The following SLC1A6 variants were observed in gnomAD, a reference collection of about 807,000 sequenced individuals.
The protein encoded by SLC1A6 is solute carrier family 1 member 6, also known as excitatory amino acid transporter 4.
Under a neutral mutation model 42.1 loss-of-function variants are expected in SLC1A6, and 15 were observed. The ratio of observed to expected loss-of-function variants is 0.36; its 90% confidence interval spans 0.24 to 0.55. SLC1A6 has a LOEUF of 0.55. Ranked by LOEUF, SLC1A6 falls within the 20% of genes least tolerant of loss-of-function variation. SLC1A6 has a pLI of 0.88. For synonymous variants in SLC1A6, 317 were observed against 319.7 expected, an observed-to-expected ratio of 0.99 and a Z score of 0.09; for missense variants, 542 against 772.5, an observed-to-expected ratio of 0.70 and a Z score of 3.54.
chr19:14,990,999 G>A (rs895072226), intron 1 of SLC1A6, among the ~76,000 whole-genome samples: 1 of 151,862 alleles, frequency 6.6e-6, no homozygotes, highest in African/African-American at 2.4e-5. Flanking sequence ...ACATCATGCT[G>A]TACACAACAA....
intron 3 of SLC1A6, 105 bp downstream of exon 3, chr19:14,971,632 G>T: frequency 1.8e-6 from 2 of 1,119,486 alleles, no homozygotes; most frequent in African/African-American, 1.5e-5. Flanking sequence ...TGTTTGAGGT[G>T]CCGCGTCAAG....
In SLC1A6 at chr19:14,962,162, C is replaced by T. The variant is rs377205113; in HGVS notation, c.775G>A (p.Val259Met). 1.2e-4 allele frequency: 186 copies of T among 1,614,086 alleles called. No homozygotes were observed. The highest frequency in any genetic ancestry group is 1.5e-4 in the Non-Finnish European group (176 of 1,180,030). ...EMLSFEETVP[V>M]PGSANGINAL... ...TTGATGCCATTGGCGGAGCCAGGCA[C>T]GGGTACAGTCTCCTCAAAGCTCAGC... Residue 259 changes from valine to methionine, a missense_variant, in exon 6 of 10, where the codon GTG (valine) becomes ATG (methionine). Transcript: ENST00000594383.
intron 1 of SLC1A6, among the ~76,000 whole-genome samples, chr19:14,994,452 G>A (rs1472398402): frequency 6.6e-6 from 1 of 152,080 alleles, no homozygotes; most frequent in Non-Finnish European, 1.5e-5. Flanking sequence ...GTAACTGCAT[G>A]GATTCTGCAA....
At chr19:14,968,584 C>G in intron 3 of SLC1A6, 77 bp from the exon 4 acceptor site, 3 of 1,263,252 alleles carry the variant, frequency 2.4e-6, no homozygotes, top group Non-Finnish European at 2.2e-6. Flanking sequence ...TTCCACCCTC[C>G]CCATATCACC....
chr19:15,007,387 C>T (rs865893284), intron 1 of SLC1A6, among the ~76,000 whole-genome samples: 2 of 152,170 alleles, frequency 1.3e-5, no homozygotes, highest in South Asian at 2.1e-4. Flanking sequence ...GCTGAGGGGA[C>T]AGGGGAATGA....
intron 1 of SLC1A6, among the ~76,000 whole-genome samples, chr19:14,976,477 A>G (rs2045712460): frequency 6.6e-6 from 1 of 152,236 alleles, no homozygotes; most frequent in Admixed American, 6.5e-5. Context: ...CAACACACAT[A>G]CAACTGGAGG....
intron 1 of SLC1A6, among the ~76,000 whole-genome samples, chr19:15,009,771 T>TA (rs1009392346): frequency 5.3e-5 from 8 of 152,188 alleles, no homozygotes; most frequent in African/African-American, 1.9e-4. Flanking sequence ...AAATTTTTTT[T>TA]AAAGGCTCTT....
chr19:14,989,146 C>G (rs2045806467), intron 1 of SLC1A6, among the ~76,000 whole-genome samples: 1 of 152,170 alleles, frequency 6.6e-6, no homozygotes, highest in African/African-American at 2.4e-5. Context: ...AGGGATGAGA[C>G]ACTACCTGTT....
chr19:15,006,515 G>A (rs1014752213), intron 1 of SLC1A6, among the ~76,000 whole-genome samples: 1 of 152,042 alleles, frequency 6.6e-6, no homozygotes, highest in African/African-American at 2.4e-5. Flanking sequence ...GGCTGGCGTG[G>A]GAGTCGCTGG....
upstream of SLC1A6, among the ~76,000 whole-genome samples, chr19:14,982,347 T>G (rs1447615620): frequency 6.6e-6 from 1 of 152,068 alleles, no homozygotes. Context: ...CTGGCCAACC[T>G]GGTGAAACCC....
intron 6 of SLC1A6, 136 bp downstream of exon 6, chr19:14,961,866 T>C: frequency 7.8e-7 from 1 of 1,275,680 alleles, no homozygotes; most frequent in Non-Finnish European, 1.1e-6. Context: ...AATGAATGAG[T>C]TGGTGAGTGG....
At chr19:14,999,288 T>C (rs1202130582) in intron 1 of SLC1A6, among the ~76,000 whole-genome samples, 1 of 152,206 alleles carries the variant, frequency 6.6e-6, no homozygotes, top group East Asian at 1.9e-4. Flanking sequence ...CACTCTCTTC[T>C]ATGGATTCCA....
At chr19:14,995,509 T>C (rs918070476) in intron 1 of SLC1A6, among the ~76,000 whole-genome samples, 3 of 152,048 alleles carry the variant, frequency 2.0e-5, no homozygotes, top group Non-Finnish European at 2.9e-5. Context: ...AGAGATCTAT[T>C]GTACAGCATG....
intron 9 of SLC1A6, among the ~76,000 whole-genome samples, chr19:14,951,273 A>AAAAAAGAAAGAAAG (rs1555704147): frequency 0.019 from 1,845 of 99,378 alleles, 22 homozygotes; most frequent in South Asian, 0.031. Flanking sequence ...AAAAAAAAAA[A>AAAAAAGAAAGAAAG]AAAAAGAAAG....
chr19:14,962,275 C>G lies in SLC1A6; in HGVS notation c.662G>C (p.Gly221Ala), dbSNP rs1407283711. ...MVRTENGSEP[G>A]ASMPPPFSVE... The stretch of plus-strand genomic sequence containing the variant: ...TGAGAATGGAGGAGGCATGGAGGCA[C>G]CCGGCTCAGACCCGTTCTCTGTCCT... Residue 221 changes from glycine to alanine, a missense_variant, in exon 6 of 10, where the codon GGT becomes GCT. Around this residue, in one of 6 missense-constraint regions of SLC1A6, gnomAD observed 298 missense variants for 419.4 expected, o/e 0.71. Transcript: ENST00000594383. 2 of 1,614,154 alleles carry G rather than the reference C, an allele frequency of 1.2e-6. No individual in the cohort carries two copies. Among genetic ancestry groups the G allele is most frequent in the South Asian group, 2.2e-5 (2 of 91,082 alleles).
chr19:14,980,559 A>G (rs1312942078), upstream of SLC1A6, among the ~76,000 whole-genome samples: 4 of 150,406 alleles, frequency 2.7e-5, no homozygotes, highest in Non-Finnish European at 5.9e-5. Flanking sequence ...TGGGAGGCCG[A>G]GGCGGGAGGA....
intron 4 of SLC1A6, among the ~76,000 whole-genome samples, chr19:14,967,907 C>G (rs1233444344): frequency 6.6e-6 from 1 of 152,146 alleles, no homozygotes; most frequent in African/African-American, 2.4e-5. Flanking sequence ...TTGACAGAGG[C>G]TGTGCATTTG....
upstream of SLC1A6, among the ~76,000 whole-genome samples, chr19:14,984,843 C>T (rs1313782068): frequency 6.6e-6 from 1 of 152,144 alleles, no homozygotes; most frequent in Admixed American, 6.5e-5. Context: ...GTCGTGAATA[C>T]AAATTTTTAA....
chr19:14,976,566 A>G lies in SLC1A6; in HGVS notation c.-8+2743T>C, dbSNP rs574152851. ...TTATTTTTAGTATTTTTGTATTTTT[A>G]GTAGAGACGGGGTTTCACTGTTGGC... On this transcript the variant is annotated intron_variant, in intron 1 of 9. Coordinates refer to ENST00000594383, the MANE Select transcript of SLC1A6 (RefSeq NM_005071.3). 2.1e-3 allele frequency among the ~76,000 whole-genome samples: 316 copies of G among 152,274 alleles called. 1 individual carries two copies. Among genetic ancestry groups the G allele is most frequent in the African/African-American group, 6.7e-3 (278 of 41,558 alleles).
Sources: allele counts gnomAD v4.1 joint callset (sites outside exome capture counted in the v4.1 genomes callset), GRCh38; gene constraint gnomAD v4.1.1; regional missense constraint gnomAD v4.1.1; transcripts MANE v1.5; gene names NCBI Gene and HGNC (gene_info 2026-07-23, HGNC 2026-07-21).